Variants in ST3GAL3 observed in about 807,000 individuals in gnomAD.
The protein encoded by ST3GAL3 is CMP-N-acetylneuraminate-beta-1,4-galactoside alpha-2,3-sialyltransferase.
A neutral mutation model predicts 50.1 loss-of-function variants in ST3GAL3; 21 were observed. The ratio of observed to expected loss-of-function variants is 0.42; its 90% confidence interval spans 0.30 to 0.60. The LOEUF is 0.60. Among genes scored for constraint, ST3GAL3 ranks in the 20% least tolerant of loss-of-function variants. The probability of loss-of-function intolerance (pLI) is 0.19; values close to 1 mark genes in which losing one functional copy is unlikely to be tolerated. For synonymous variants in ST3GAL3, 183 were observed against 190.0 expected (o/e 0.96, Z 0.30); for missense variants, 353 against 489.4 (o/e 0.72, Z 2.63).
At chr1:43,897,088 GTT>G (rs546331081) in intron 6 of ST3GAL3, among the ~76,000 whole-genome samples, 6 of 124,772 alleles carry the variant, frequency 4.8e-5, no homozygotes, top group Non-Finnish European at 5.2e-5. Flanking sequence ...ATTTAATCTG[GTT>G]TTTTTTTTTT....
intron 1 of ST3GAL3, among the ~76,000 whole-genome samples, chr1:43,733,836 C>T (rs753619692): frequency 5.9e-5 from 9 of 152,234 alleles, no homozygotes; most frequent in South Asian, 2.1e-4. Flanking sequence ...ACCTCTTTCA[C>T]CGGGCGTGGT....
At chr1:43,836,480 G>T (rs910973975) in intron 4 of ST3GAL3, among the ~76,000 whole-genome samples, 1 of 152,174 alleles carries the variant, frequency 6.6e-6, no homozygotes, top group Non-Finnish European at 1.5e-5. Flanking sequence ...TAGGCCCGAG[G>T]GGTCTGTGGT....
intron 5 of ST3GAL3, among the ~76,000 whole-genome samples, chr1:43,873,268 A>G (rs746506741): frequency 2.6e-5 from 4 of 152,206 alleles, no homozygotes; most frequent in Non-Finnish European, 4.4e-5. Flanking sequence ...TTCTGAAGGG[A>G]GAGCTAACAG....
At chr1:43,929,280 C>T (rs1170261552) in intron 11 of ST3GAL3, among the ~76,000 whole-genome samples, 1 of 150,900 alleles carries the variant, frequency 6.6e-6, no homozygotes, top group Non-Finnish European at 1.5e-5. Flanking sequence ...ATGTACAATT[C>T]TTTCAATTAA....
At chr1:43,881,638 C>T (rs900438394) in intron 5 of ST3GAL3, among the ~76,000 whole-genome samples, 1 of 152,214 alleles carries the variant, frequency 6.6e-6, no homozygotes, top group Non-Finnish European at 1.5e-5. Flanking sequence ...CCTTGAGGGC[C>T]TCTGGCTCAG....
At chr1:43,776,064 C>G (rs930774843) in intron 2 of ST3GAL3, among the ~76,000 whole-genome samples, 4 of 152,168 alleles carry the variant, frequency 2.6e-5, no homozygotes, top group Non-Finnish European at 5.9e-5. Flanking sequence ...ATACAATTTA[C>G]TTACTTAAAG....
In ST3GAL3 at chr1:43,770,903, T is replaced by A. The variant is rs529740590; in HGVS notation, c.119-21199T>A. ...AGAAAGTTCTGAGCCCTGATCTCTA[T>A]CAGATAATCCAGAACGTCCTCTCAT... On this transcript the variant is annotated intron_variant, in intron 2 of 11. Coordinates refer to ENST00000347631, the MANE Select transcript of ST3GAL3 (RefSeq NM_006279.5). Among the ~76,000 whole-genome samples the A allele has an allele frequency of 1.4e-4, 21 of 152,362 alleles. No homozygotes were observed. The East Asian group carries it at 2.1e-3, about 15-fold the overall frequency.
intron 5 of ST3GAL3, among the ~76,000 whole-genome samples, chr1:43,847,841 T>C (rs992708005): frequency 6.6e-6 from 1 of 152,158 alleles, no homozygotes; most frequent in Admixed American, 6.5e-5. Context: ...GAGGGAAAAT[T>C]CTTTTATATT....
At position 43,756,634 on chromosome 1, in the gene ST3GAL3, A is replaced by G. The variant is rs77647022; in HGVS notation, c.118+20254A>G. 4.6e-3 allele frequency among the ~76,000 whole-genome samples: 699 copies of G among 152,274 alleles called. 5 individuals carry two copies. The highest frequency in any genetic ancestry group is 0.016 in the African/African-American group (660 of 41,562). On this transcript the variant is annotated intron_variant, in intron 2 of 11. Transcript: ENST00000347631. ...AGAGACATAGTGAAAAGGGAGAATAAAAGTGAAGACTTGATTTATATTATT... is the reference window on the plus strand; with the variant it reads ...AGAGACATAGTGAAAAGGGAGAATAGAAGTGAAGACTTGATTTATATTATT...
In ST3GAL3 at chr1:43,851,000, G is replaced by T. The variant is rs1375201710; in HGVS notation, c.302+12689G>T. On this transcript the variant is annotated intron_variant, in intron 5 of 11. Transcript: ENST00000347631. ...GGTTCTTGTGAGTGGTGGTGGCAGT[G>T]TTCAAATGGGGAGGGCACCACGCCA... The T allele has an allele frequency of 1.9e-5, 16 of 862,664 alleles. 1 individual carries two copies. Among genetic ancestry groups the T allele is most frequent in the Non-Finnish European group, 3.0e-5 (15 of 498,238 alleles). The allele number at this position is 862,664 out of a possible 1,614,324, so 53.4% of individuals were successfully genotyped here. A position where few individuals can be genotyped will look rare whatever the true frequency, so the allele number is the denominator to read the frequency against.
chr1:43,764,057 G>A (rs767335696), intron 2 of ST3GAL3, among the ~76,000 whole-genome samples: 4 of 144,648 alleles, frequency 2.8e-5, no homozygotes, highest in Non-Finnish European at 4.6e-5. Flanking sequence ...GCACTGTGTT[G>A]TGAACACTCA....
intron 9 of ST3GAL3, among the ~76,000 whole-genome samples, chr1:43,918,871 G>A (rs1243330099): frequency 6.6e-6 from 1 of 151,734 alleles, no homozygotes; most frequent in Non-Finnish European, 1.5e-5. Context: ...ATCAGTAAAA[G>A]GTTATAGTTT....
intron 3 of ST3GAL3, among the ~76,000 whole-genome samples, chr1:43,810,884 G>A (rs1051041253): frequency 2.6e-5 from 4 of 151,932 alleles, no homozygotes; most frequent in African/African-American, 4.8e-5. Context: ...AGGGAGGCCC[G>A]ATGGCCTCCC....
chr1:43,893,740 GCCT>G (rs2076974324), intron 5 of ST3GAL3, among the ~76,000 whole-genome samples: 1 of 152,058 alleles, frequency 6.6e-6, no homozygotes, highest in Non-Finnish European at 1.5e-5. Flanking sequence ...CAAGAACTTA[GCCT>G]CCTCTCTTTC....
intron 3 of ST3GAL3, among the ~76,000 whole-genome samples, chr1:43,793,932 A>T (rs1457999770): frequency 6.6e-6 from 1 of 152,028 alleles, no homozygotes; most frequent in African/African-American, 2.4e-5. Flanking sequence ...AAATTTTTTT[A>T]AAATAGTAAG....
chr1:43,817,625 C>CCCTTCTCCTCCT (rs2061501971), intron 4 of ST3GAL3, among the ~76,000 whole-genome samples: 2 of 120,990 alleles, frequency 1.7e-5, no homozygotes, highest in Non-Finnish European at 1.7e-5. Flanking sequence ...TTCTCCTCCT[C>CCCTTCTCCTCCT]CCTTCTCCTC....
intron 2 of ST3GAL3, among the ~76,000 whole-genome samples, chr1:43,780,996 A>G (rs77869487): frequency 0.015 from 2,316 of 152,252 alleles, 64 homozygotes; most frequent in African/African-American, 0.053. Context: ...TCCCTCTTCT[A>G]GTGGTACCTG....
intron 1 of ST3GAL3, among the ~76,000 whole-genome samples, chr1:43,715,894 G>T (rs963369443): frequency 6.6e-6 from 1 of 152,176 alleles, no homozygotes; most frequent in Non-Finnish European, 1.5e-5. Flanking sequence ...TCTCATAAGA[G>T]AATGAGAGTG....
intron 5 of ST3GAL3, among the ~76,000 whole-genome samples, chr1:43,872,441 C>G (rs896353336): frequency 6.6e-6 from 1 of 151,008 alleles, no homozygotes; most frequent in Non-Finnish European, 1.5e-5. Flanking sequence ...TGCCTCTGAC[C>G]GGGCACTCCC....
Sources: allele counts gnomAD v4.1 joint callset (sites outside exome capture counted in the v4.1 genomes callset), GRCh38; gene constraint gnomAD v4.1.1; transcripts MANE v1.5; gene names NCBI Gene and HGNC (gene_info 2026-07-23, HGNC 2026-07-21).